NINL: variants seen among roughly 807,000 people sequenced by gnomAD.
The protein encoded by NINL is ninein like.
Under a neutral mutation model 160.3 loss-of-function variants are expected in NINL, and 153 were observed. The ratio of observed to expected loss-of-function variants is 0.95; its 90% CI spans 0.84 to 1.09. The LOEUF (loss-of-function observed/expected upper bound fraction) is 1.09, where lower values mean the gene tolerates loss of function less well. NINL is among the 50% of genes least tolerant of loss of function. The pLI is 0.00. For missense variants in NINL, 1,829 were observed against 1,764.0 expected (o/e 1.04, Z -0.66); for synonymous variants, 800 against 734.8 (o/e 1.09, Z -1.43).
At chr20:25,507,236 T>TG (rs73621610) in intron 5 of NINL, among the ~76,000 whole-genome samples, 15,150 of 152,108 alleles carry the variant, frequency 0.1, 1,290 homozygotes, top group African/African-American at 0.23. Flanking sequence ...AAGTCTAGTT[T>TG]GCTGCAGCCT....
At position 25,512,893 on chromosome 20, in the gene NINL, G is replaced by C; in HGVS notation, c.391C>G (p.Gln131Glu). The C allele has an allele frequency of 6.2e-7, 1 of 1,614,196 alleles. No homozygotes were observed. The highest frequency in any genetic ancestry group is 8.5e-7 in the Non-Finnish European group (1 of 1,180,022). ...ATEARRVPEQ[Q>E]TQASLKSHLW... is the part of the protein sequence containing the mutation. The stretch of plus-strand genomic sequence containing the variant: ...TGACTTTTCAGGCTGGCCTGGGTTT[G>C]CTGCTCCGGCACGCGTCTGGCTTCT... Residue 131 changes from glutamine to glutamate, a missense_variant, in exon 4 of 24, where the codon CAA becomes GAA. Physicochemically the swap from Gln to Glu is conservative, Grantham distance 29. Transcript: ENST00000278886.
intron 14 of NINL, among the ~76,000 whole-genome samples, chr20:25,481,600 C>A (rs535697303): frequency 9.2e-5 from 14 of 152,238 alleles, no homozygotes; most frequent in Admixed American, 6.5e-5. Context: ...TAAGCCCCGA[C>A]AGCCTCTGTC....
chr20:25,458,331 C>T (rs1200620178), intron 22 of NINL, 52 bp downstream of exon 22: 2 of 1,597,508 alleles, frequency 1.3e-6, no homozygotes, highest in Non-Finnish European at 8.5e-7. Flanking sequence ...GGTGGGCCCG[C>T]CTCACCCTCC....
chr20:25,561,282 G>A (rs959740660), intron 1 of NINL, among the ~76,000 whole-genome samples: 1 of 152,148 alleles, frequency 6.6e-6, no homozygotes, highest in African/African-American at 2.4e-5. Context: ...CGAGTGATCC[G>A]CCAGCCTCGG....
At chr20:25,470,334 T>C (rs1008253479) in intron 17 of NINL, among the ~76,000 whole-genome samples, 5 of 152,202 alleles carry the variant, frequency 3.3e-5, no homozygotes, top group African/African-American at 1.2e-4. Context: ...CGCCATCAAG[T>C]CACAAATGCA....
intron 2 of NINL, among the ~76,000 whole-genome samples, chr20:25,523,703 C>T (rs961672534): frequency 2.0e-5 from 3 of 152,096 alleles, no homozygotes; most frequent in African/African-American, 4.8e-5. Flanking sequence ...AGTGCAATGG[C>T]GCGATCTTGG....
intron 8 of NINL, among the ~76,000 whole-genome samples, chr20:25,500,138 T>C (rs2063839361): frequency 6.6e-6 from 1 of 152,144 alleles, no homozygotes; most frequent in South Asian, 2.1e-4. Context: ...CTGCACCTCG[T>C]GAGGCTGTCT....
At chr20:25,455,887 G>A (rs1312807193) in intron 22 of NINL, 101 bp from the exon 23 acceptor site, 1 of 843,306 alleles carries the variant, frequency 1.2e-6, no homozygotes, top group Admixed American at 1.9e-5. Context: ...GAGGTCAGGA[G>A]TTTGAGACCA....
At chr20:25,487,303 G>C (rs550870679) in intron 13 of NINL, among the ~76,000 whole-genome samples, 56 of 152,088 alleles carry the variant, frequency 3.7e-4, no homozygotes, top group Admixed American at 1.8e-3. Flanking sequence ...TCTCATTTTT[G>C]CTGGGTGGGG....
At chr20:25,584,798 G>A (rs1043703819) in intron 1 of NINL, among the ~76,000 whole-genome samples, 1 of 152,224 alleles carries the variant, frequency 6.6e-6, no homozygotes, top group African/African-American at 2.4e-5. Context: ...TCAGTACCCA[G>A]GCACGATCGA....
chr20:25,479,382 C>T (rs2063339152), intron 15 of NINL, among the ~76,000 whole-genome samples, 176 bp from the exon 16 acceptor site: 1 of 152,204 alleles, frequency 6.6e-6, no homozygotes, highest in South Asian at 2.1e-4. Context: ...TGGTGCTCCC[C>T]AGGGCCTAGT....
chr20:25,454,031 A>G (rs6132835), intron 23 of NINL, among the ~76,000 whole-genome samples: 68,917 of 151,648 alleles, frequency 0.45, 16,265 homozygotes, highest in East Asian at 0.92. Flanking sequence ...CATCCAGCCT[A>G]GGCGACAGAG....
At chr20:25,519,951 C>T (rs1351773229) in intron 2 of NINL, among the ~76,000 whole-genome samples, 1 of 120,220 alleles carries the variant, frequency 8.3e-6, no homozygotes, top group Non-Finnish European at 1.6e-5. Context: ...CTACAGTGAG[C>T]CAAGATCATG....
rs555474618 is a variant in NINL at position 25,505,184 on chromosome 20, T to G, written c.518-106A>C. The stretch of plus-strand genomic sequence containing the variant: ...TGCCCTTTCCAACAGCGTGAATGAA[T>G]GTGGAGGACATTACGCTAAGTGAAA... On this transcript the variant is annotated intron_variant, in intron 5 of 23. Transcript: ENST00000278886. 1.5e-5 allele frequency: 16 copies of G among 1,042,762 alleles called. No homozygotes were observed. The East Asian group carries it at 4.1e-4, about 27-fold the overall frequency. The allele number at this position is 1,042,762 out of a possible 1,614,324, so 64.6% of individuals were successfully genotyped here. A position where few individuals can be genotyped will look rare whatever the true frequency, so the allele number is the denominator to read the frequency against.
intron 23 of NINL, among the ~76,000 whole-genome samples, chr20:25,454,756 C>T (rs1160422834): frequency 6.6e-6 from 1 of 152,188 alleles, no homozygotes; most frequent in East Asian, 1.9e-4. Context: ...GCCCTCAGGG[C>T]ACAGCACTGC....
intron 5 of NINL, among the ~76,000 whole-genome samples, chr20:25,505,707 T>C (rs2063949416): frequency 6.6e-6 from 1 of 152,020 alleles, no homozygotes; most frequent in South Asian, 2.1e-4. Context: ...TGAAATCAGA[T>C]GGATTGATGG....
intron 1 of NINL, among the ~76,000 whole-genome samples, 163 bp from the exon 2 acceptor site, chr20:25,526,761 AG>A (rs2146965201): frequency 6.6e-6 from 1 of 152,364 alleles, no homozygotes; most frequent in Admixed American, 6.5e-5. Context: ...ACACAGTGGG[AG>A]GACTCAGCTC....
intron 5 of NINL, among the ~76,000 whole-genome samples, chr20:25,507,979 A>T (rs2063994571): frequency 6.6e-6 from 1 of 152,210 alleles, no homozygotes; most frequent in Non-Finnish European, 1.5e-5. Flanking sequence ...AAGGAACCCC[A>T]ACCTGGTTGG....
At chr20:25,556,266 AG>A (rs2064865606) in intron 1 of NINL, among the ~76,000 whole-genome samples, 6 of 152,078 alleles carry the variant, frequency 3.9e-5, no homozygotes, top group African/African-American at 1.4e-4. Flanking sequence ...CCTGGGTGAC[AG>A]AGCAAGACCC....
Sources: gnomAD v4.1 joint callset for allele counts (sites outside exome capture counted in the v4.1 genomes callset) on GRCh38, gnomAD v4.1.1 for gene constraint, MANE v1.5 for transcripts, NCBI Gene and HGNC (gene_info 2026-07-23, HGNC 2026-07-21) for gene names.